The following TCF24 variants were observed in gnomAD, a reference collection of about 807,000 sequenced individuals.
TCF24 encodes the protein transcription factor 24.
In TCF24, 5 loss-of-function variants were observed where a neutral mutation model predicts 9.3. The observed-to-expected ratio is 0.54, with a 90% CI of 0.28 to 1.13. The LOEUF is 1.13. Ranked by LOEUF, TCF24 falls within the 50% of genes most tolerant of loss-of-function variation. The probability of loss-of-function intolerance (pLI) is 0.09; values close to 1 mark genes in which losing one functional copy is unlikely to be tolerated. For missense variants in TCF24, 220 were observed against 236.1 expected (o/e 0.93, Z 0.45); for synonymous variants, 110 against 115.8 (o/e 0.95, Z 0.32).
chr8:66,958,592 C>T (rs1333873495), intron 3 of TCF24, among the ~76,000 whole-genome samples: 6 of 152,068 alleles, frequency 3.9e-5, no homozygotes, highest in Non-Finnish European at 8.8e-5. Context: ...ACATGGGAGA[C>T]GGAGGTTGCA....
chr8:66,948,719 G>A (rs1414713724), intron 3 of TCF24, among the ~76,000 whole-genome samples: 4 of 141,084 alleles, frequency 2.8e-5, no homozygotes, highest in African/African-American at 5.3e-5. Context: ...TTTTTGAGAC[G>A]GAGTCTCGCT....
intron 3 of TCF24, among the ~76,000 whole-genome samples, chr8:66,949,058 C>T (rs1010918601): frequency 6.6e-6 from 1 of 151,912 alleles, no homozygotes; most frequent in Non-Finnish European, 1.5e-5. Context: ...AAGAGAACAT[C>T]CTGATTAAAT....
At chr8:66,958,012 T>C (rs182902723) in intron 3 of TCF24, among the ~76,000 whole-genome samples, 1 of 148,398 alleles carries the variant, frequency 6.7e-6, no homozygotes, top group African/African-American at 2.5e-5. Flanking sequence ...GAAGCAAACC[T>C]AAAATTGTAT....
rs1814264199 is a variant in TCF24 at position 66,961,913 on chromosome 8, G to C, written c.-60C>G. ...CGGGGCTAAGGGCGCTCTCAAGCGA[G>C]CTCGTTTTGCCTGGGACGCGATTTG... On this transcript the variant is annotated 5_prime_UTR_variant, in exon 2 of 4. Coordinates refer to ENST00000563496, the MANE Select transcript of TCF24 (RefSeq NM_001193502.2). 1 of 658,788 alleles carries C rather than the reference G, an allele frequency of 1.5e-6. No individual in the cohort carries two copies. The highest frequency in any genetic ancestry group is 1.9e-6 in the Non-Finnish European group (1 of 524,020). The allele number at this position is 658,788 out of a possible 1,614,324, so 40.8% of individuals were successfully genotyped here. A position where few individuals can be genotyped will look rare whatever the true frequency, so the allele number is the denominator to read the frequency against.
At chr8:66,950,420 C>A (rs1357842300) in intron 3 of TCF24, among the ~76,000 whole-genome samples, 1 of 152,016 alleles carries the variant, frequency 6.6e-6, no homozygotes, top group Non-Finnish European at 1.5e-5. Flanking sequence ...TGTAGATATG[C>A]GGCGTTATTT....
intron 3 of TCF24, among the ~76,000 whole-genome samples, chr8:66,948,603 A>G (rs186941340): frequency 3.5e-4 from 53 of 152,354 alleles, no homozygotes; most frequent in African/African-American, 1.2e-3. Flanking sequence ...AAAAAGTTCT[A>G]TGTGGTATTA....
chr8:66,961,023 G>A (rs1024461471), intron 3 of TCF24, among the ~76,000 whole-genome samples: 3 of 152,178 alleles, frequency 2.0e-5, no homozygotes, highest in Non-Finnish European at 4.4e-5. Flanking sequence ...CTCTCAGAGG[G>A]TCATACATAT....
intron 3 of TCF24, among the ~76,000 whole-genome samples, chr8:66,957,417 C>CAAA (rs60795431): frequency 9.2e-6 from 1 of 108,550 alleles, no homozygotes. Context: ...AACTCCATAT[C>CAAA]AAAAAAAAAA....
chr8:66,961,418 C>A lies in TCF24; in HGVS notation c.348G>T (p.Gly116=). 2 of 1,517,914 alleles carry A rather than the reference C, an allele frequency of 1.3e-6. No homozygotes were observed. Among genetic ancestry groups the A allele is most frequent in the Non-Finnish European group, 1.8e-6 (2 of 1,139,238 alleles). The allele number at this position is 1,517,914 out of a possible 1,614,324, so 94.0% of individuals were successfully genotyped here. A position where few individuals can be genotyped will look rare whatever the true frequency, so the allele number is the denominator to read the frequency against. Residue 116 remains glycine (G), a synonymous_variant, in exon 3 of 4, where the codon GGG becomes GGT. Transcript: ENST00000563496. ...AGCCATCGCCGCGCAGGGCGCCCAA[C>A]CCGGCGTCCGCCGGCGCCTCGGCGT... ...QDDAEAPADA[G]LGALRGDGYL...
chr8:66,949,346 T>C (rs1394125598), intron 3 of TCF24, among the ~76,000 whole-genome samples: 39 of 151,442 alleles, frequency 2.6e-4, no homozygotes, highest in Non-Finnish European at 4.6e-4. Flanking sequence ...TGAGTGAGAA[T>C]ATGCGGTGTT....
chr8:66,959,762 A>G (rs1172117313), intron 3 of TCF24, among the ~76,000 whole-genome samples: 2 of 152,246 alleles, frequency 1.3e-5, no homozygotes, highest in Non-Finnish European at 2.9e-5. Flanking sequence ...ATTTAAAAAA[A>G]TAATCCTTGG....
intron 3 of TCF24, 29 bp downstream of exon 3, chr8:66,961,347 C>T (rs1456639425): frequency 7.0e-7 from 1 of 1,428,294 alleles, no homozygotes; most frequent in South Asian, 1.5e-5. Flanking sequence ...GTCTCGGCCC[C>T]AGCCCCGCGG....
chr8:66,961,716 G>T lies in TCF24; in HGVS notation c.50C>A (p.Pro17His). The T allele has an allele frequency of 9.1e-7, 1 of 1,100,970 alleles. No individual in the cohort carries two copies. Among genetic ancestry groups the T allele is most frequent in the Non-Finnish European group, 1.1e-6 (1 of 905,058 alleles). 68.2% of individuals were successfully genotyped at this position (1,100,970 alleles called of 1,614,324 possible). Reference sequence around the variant, plus strand: ...GCGGATGGCGGCGGCCAGGGGCGCGGGCTCGGCGCTGGCGCTGAGGGGGCT... The same window carrying T: ...GCGGATGGCGGCGGCCAGGGGCGCGTGCTCGGCGCTGGCGCTGAGGGGGCT... Reference protein sequence around the residue: ...AGSPLSASAEPAPLAAAIRDS... With the variant: ...AGSPLSASAEHAPLAAAIRDS... The change falls in exon 3 of 4, where the codon CCC becomes CAC. Residue 17 changes from proline to histidine, a missense_variant. Physicochemically the swap from Pro to His is moderately conservative, Grantham distance 77. Coordinates refer to ENST00000563496, the MANE Select transcript of TCF24 (RefSeq NM_001193502.2).
rs10524696 is a variant in TCF24, at chr8:66,948,654, ACTATCTATCTAT to A, written c.391-502_391-491del. ...AAAAGGACCACAATGAAAAGTGTCAACTATCTATCTATCTATCTATCTATCTATCTATCTATC... is the reference window on the plus strand; with the variant it reads ...AAAAGGACCACAATGAAAAGTGTCAACTATCTATCTATCTATCTATCTATC... On this transcript the variant is annotated intron_variant, in intron 3 of 3. Transcript: ENST00000563496. Among the ~76,000 whole-genome samples the A allele has an allele frequency of 7.3e-3, 1,068 of 146,644 alleles. 6 individuals are homozygous for A. The highest frequency in any genetic ancestry group is 0.014 in the Middle Eastern group (4 of 286).
chr8:66,950,543 C>G (rs1430358209), intron 3 of TCF24, among the ~76,000 whole-genome samples: 2 of 151,322 alleles, frequency 1.3e-5, no homozygotes, highest in Non-Finnish European at 3.0e-5. Flanking sequence ...CAGCTTTGTT[C>G]TTTTGGCTTA....
At chr8:66,959,502 T>C (rs1814220911) in intron 3 of TCF24, among the ~76,000 whole-genome samples, 1 of 152,240 alleles carries the variant, frequency 6.6e-6, no homozygotes, top group Non-Finnish European at 1.5e-5. Flanking sequence ...GTACATAACA[T>C]CTCTTTCCTC....
intron 3 of TCF24, among the ~76,000 whole-genome samples, chr8:66,958,584 A>G (rs528822273): frequency 6.6e-6 from 1 of 152,244 alleles, no homozygotes; most frequent in East Asian, 1.9e-4. Flanking sequence ...TCACTTGAAC[A>G]TGGGAGACGG....
At position 66,947,419 on chromosome 8, in the gene TCF24, T is replaced by A. The variant is rs1206159319; in HGVS notation, c.*632A>T. ...TCCTGTTCACACTGGACTGCAGGGA[T>A]TCCCAGTGCCTTCCACAAGTTGCAA... On this transcript the variant is annotated 3_prime_UTR_variant, in exon 4 of 4. Coordinates refer to ENST00000563496, the MANE Select transcript of TCF24 (RefSeq NM_001193502.2). 1 of 152,262 alleles carries A rather than the reference T, an allele frequency of 6.6e-6. No individual in the cohort carries two copies. Among genetic ancestry groups the A allele is most frequent in the Non-Finnish European group, 1.5e-5 (1 of 68,092 alleles). The allele number at this position is 152,262 out of a possible 1,614,324, so 9.4% of individuals were successfully genotyped here.
rs192014892 is a variant in TCF24, at chr8:66,954,814, C to T, written c.390+6562G>A. On this transcript the variant is annotated intron_variant, in intron 3 of 3. Transcript: ENST00000563496. ...TCTCGTGGTGTGCCGTTTTTTAAGC[C>T]GGTCCGAAAAGCGCAATATTCGGGT... 4.6e-3 allele frequency among the ~76,000 whole-genome samples: 688 copies of T among 150,938 alleles called. 9 individuals are homozygous for T. The highest frequency in any genetic ancestry group is 0.04 in the Admixed American group (603 of 15,094).
Sources: gnomAD v4.1 joint callset for allele counts (sites outside exome capture counted in the v4.1 genomes callset) on GRCh38, gnomAD v4.1.1 for gene constraint, MANE v1.5 for transcripts, NCBI Gene and HGNC (gene_info 2026-07-23, HGNC 2026-07-21) for gene names.